The following CACNA2D3 variants were observed in gnomAD, a reference collection of about 807,000 sequenced individuals.
CACNA2D3 encodes the protein voltage-dependent calcium channel subunit alpha-2/delta-3.
CACNA2D3 carries 60 observed loss-of-function variants against 160.6 expected under a neutral mutation model. That is an observed-to-expected ratio of 0.37 (90% CI 0.30 to 0.46). The LOEUF is 0.46. Ranked by LOEUF, CACNA2D3 falls within the 20% of genes least tolerant of loss-of-function variation. The pLI is 1.00. For missense variants in CACNA2D3, 1,205 were observed against 1,365.0 expected, an observed-to-expected ratio of 0.88 and a Z score of 1.85; for synonymous variants, 558 against 492.9, an observed-to-expected ratio of 1.13 and a Z score of -1.75.
At chr3:54,656,280 A>T (rs2106872870) in intron 11 of CACNA2D3, among the ~76,000 whole-genome samples, 1 of 152,288 alleles carries the variant, frequency 6.6e-6, no homozygotes, top group East Asian at 1.9e-4. Context: ...TTATTTTCTT[A>T]TCTCATTCAC....
intron 18 of CACNA2D3, among the ~76,000 whole-genome samples, chr3:54,877,987 G>C (rs529515118): frequency 6.6e-6 from 1 of 152,080 alleles, no homozygotes; most frequent in African/African-American, 2.4e-5. Flanking sequence ...ATTATGTGTT[G>C]TTAAAAAAAT....
At chr3:54,606,046 T>A (rs1340772307) in intron 9 of CACNA2D3, among the ~76,000 whole-genome samples, 1 of 152,180 alleles carries the variant, frequency 6.6e-6, no homozygotes, top group Non-Finnish European at 1.5e-5. Flanking sequence ...TCCTTTTTCT[T>A]TATTTGAAGG....
intron 11 of CACNA2D3, among the ~76,000 whole-genome samples, chr3:54,660,246 C>T (rs551163446): frequency 1.3e-4 from 20 of 151,940 alleles, no homozygotes; most frequent in East Asian, 1.2e-3. Context: ...CTGCAAGCTC[C>T]GCCTCCCAAG....
chr3:54,314,595 C>T (rs1703821695), intron 2 of CACNA2D3, among the ~76,000 whole-genome samples: 1 of 152,106 alleles, frequency 6.6e-6, no homozygotes, highest in South Asian at 2.1e-4. Context: ...TTGATTATGG[C>T]CATTCTTGCA....
chr3:55,024,342 G>A (rs1703519430), intron 35 of CACNA2D3, among the ~76,000 whole-genome samples: 2 of 151,854 alleles, frequency 1.3e-5, no homozygotes, highest in Admixed American at 1.3e-4. Context: ...TAAGTACTCA[G>A]TAAACAGTCA....
chr3:55,025,637 A>G (rs1179219659), intron 35 of CACNA2D3, among the ~76,000 whole-genome samples: 1 of 141,376 alleles, frequency 7.1e-6, no homozygotes, highest in Non-Finnish European at 1.5e-5. Flanking sequence ...CTATCTCCAA[A>G]AAAAAAAAAA....
chr3:54,627,104 C>G (rs574548414), intron 9 of CACNA2D3, among the ~76,000 whole-genome samples: 8 of 152,276 alleles, frequency 5.3e-5, no homozygotes, highest in Admixed American at 2.0e-4. Context: ...ATCCTTGCTC[C>G]TTAGAGCTAT....
intron 3 of CACNA2D3, among the ~76,000 whole-genome samples, chr3:54,365,711 A>G (rs1698817517): frequency 6.6e-6 from 1 of 152,140 alleles, no homozygotes; most frequent in Non-Finnish European, 1.5e-5. Context: ...TAAAAGTACA[A>G]AATTAGCTGA....
At chr3:54,726,952 G>T (rs145465751) in intron 11 of CACNA2D3, among the ~76,000 whole-genome samples, 47 of 152,276 alleles carry the variant, frequency 3.1e-4, no homozygotes, top group African/African-American at 9.4e-4. Flanking sequence ...CAAAGCAAAA[G>T]AAACTATCGT....
At chr3:54,773,512 C>T (rs918238608) in intron 13 of CACNA2D3, among the ~76,000 whole-genome samples, 2 of 152,180 alleles carry the variant, frequency 1.3e-5, no homozygotes, top group Non-Finnish European at 2.9e-5. Context: ...TATTTCATAG[C>T]AGATGGGTTC....
intron 11 of CACNA2D3, among the ~76,000 whole-genome samples, chr3:54,658,798 G>A (rs559639271): frequency 1.3e-5 from 2 of 151,844 alleles, no homozygotes; most frequent in East Asian, 3.9e-4. Flanking sequence ...CTCACTCCCC[G>A]CTCAGTGCAG....
At chr3:54,234,991 A>G (rs1300172183) in intron 2 of CACNA2D3, among the ~76,000 whole-genome samples, 1 of 152,126 alleles carries the variant, frequency 6.6e-6, no homozygotes, top group Non-Finnish European at 1.5e-5. Flanking sequence ...AAACCTTCAC[A>G]TGTACCCCTA....
chr3:54,687,101 G>A (rs1471542399), intron 11 of CACNA2D3, among the ~76,000 whole-genome samples: 2 of 114,156 alleles, frequency 1.8e-5, no homozygotes, highest in Non-Finnish European at 3.7e-5. Flanking sequence ...TATTCAAATC[G>A]GATTTTTCTT....
At chr3:54,513,360 C>T (rs772990560) in intron 5 of CACNA2D3, among the ~76,000 whole-genome samples, 1 of 152,186 alleles carries the variant, frequency 6.6e-6, no homozygotes, top group Non-Finnish European at 1.5e-5. Context: ...TCAACTGATG[C>T]CTCCATCAGT....
intron 4 of CACNA2D3, among the ~76,000 whole-genome samples, chr3:54,401,667 A>G (rs1164192188): frequency 6.6e-6 from 1 of 152,216 alleles, no homozygotes. Flanking sequence ...TCCTTCAGGA[A>G]TAAAGGAGAA....
At chr3:54,939,285 A>G (rs1701401653) in intron 27 of CACNA2D3, among the ~76,000 whole-genome samples, 4 of 152,204 alleles carry the variant, frequency 2.6e-5, no homozygotes. Context: ...TAAAGAGAAA[A>G]TTGAAACTTG....
intron 2 of CACNA2D3, chr3:54,197,618 G>A (rs1257021359): frequency 6.6e-6 from 1 of 152,208 alleles, no homozygotes; most frequent in Non-Finnish European, 1.5e-5. Flanking sequence ...CCTGAGCCGT[G>A]TGTGTTGGTT....
chr3:54,631,236 A>ACACACACACACAC (rs1559532534), intron 10 of CACNA2D3, among the ~76,000 whole-genome samples: 1 of 151,522 alleles, frequency 6.6e-6, no homozygotes, highest in African/African-American at 2.4e-5. Flanking sequence ...ACACACACAC[A>ACACACACACACAC]AAGATAAATG....
rs543393607 is a variant in CACNA2D3 at position 54,928,241 on chromosome 3, C to T, written c.2449+28373C>T. 3.9e-5 allele frequency among the ~76,000 whole-genome samples: 6 copies of T among 152,318 alleles called. No homozygotes were observed. The South Asian group carries it at 1.2e-3, about 32-fold the overall frequency. On this transcript the variant is annotated intron_variant, in intron 27 of 37. Transcript: ENST00000474759. ...GATGAGCCGCGTAAAGAATGTTTGT[C>T]AAACCTTGGTGAACAGCTGTAGCAT...
Sources: allele counts gnomAD v4.1 joint callset (sites outside exome capture counted in the v4.1 genomes callset), GRCh38; gene constraint gnomAD v4.1.1; transcripts MANE v1.5; gene names NCBI Gene and HGNC (gene_info 2026-07-23, HGNC 2026-07-21).